Variants in SIRT7 observed in about 807,000 individuals in gnomAD.
The protein encoded by SIRT7 is sirtuin 7, also known as NAD-dependent protein deacetylase sirtuin-7.
A neutral mutation model predicts 42.8 loss-of-function variants in SIRT7; 32 were observed. The observed-to-expected ratio is 0.75, with a 90% CI of 0.56 to 1.00. SIRT7 has a LOEUF of 1.00. Among genes scored for constraint, SIRT7 ranks in the 50% least tolerant of loss-of-function variants. The pLI is 0.00. For missense variants in SIRT7, 553 were observed against 572.2 expected (o/e 0.97, Z 0.34); for synonymous variants, 297 against 245.2 (o/e 1.21, Z -1.97).
chr17:81,915,754 G>C (rs767563556), intron 3 of SIRT7, 73 bp from the exon 4 acceptor site: 434 of 1,516,330 alleles, frequency 2.9e-4, no homozygotes, highest in Non-Finnish European at 3.7e-4. Flanking sequence ...CCCAGAAACG[G>C]AAAGCCACTG....
At position 81,917,582 on chromosome 17, in the gene SIRT7, C is replaced by T. The variant is rs775713638; in HGVS notation, c.336+33G>A. 4 of 1,531,908 alleles carry T rather than the reference C, an allele frequency of 2.6e-6. No individual in the cohort carries two copies. In the East Asian group the frequency reaches 9.9e-5, roughly 38 times the overall value. 94.9% of individuals were successfully genotyped at this position (1,531,908 alleles called of 1,614,324 possible). A position where few individuals can be genotyped will look rare whatever the true frequency, so the allele number is the denominator to read the frequency against. On this transcript the variant is annotated intron_variant, in intron 3 of 9. Coordinates refer to ENST00000328666, the MANE Select transcript of SIRT7 (RefSeq NM_016538.3). ...TTCGCGATTACTGGAGCTCATACTC[C>T]GTCCTGGGGTACGCCTCCGCCTCCC...
In SIRT7 at chr17:81,912,826, T is replaced by G. The variant is rs945502839; in HGVS notation, c.1005-212A>C. On this transcript the variant is annotated intron_variant, in intron 9 of 9. Transcript: ENST00000328666. ...CACCTCTTAGGTGGTGACTCAAAGG[T>G]CGGCACCCACACTAGCTCGGTCTCC... The G allele has an allele frequency of 4.8e-6, 3 of 620,692 alleles. No individual in the cohort carries two copies. In the Middle Eastern group the frequency reaches 1.3e-3, roughly 268 times the overall value. The allele number at this position is 620,692 out of a possible 1,614,324, so 38.4% of individuals were successfully genotyped here. A position where few individuals can be genotyped will look rare whatever the true frequency, so the allele number is the denominator to read the frequency against.
rs183437321 is a variant in SIRT7 at position 81,914,195 on chromosome 17, A to G, written c.817-28T>C. On this transcript the variant is annotated intron_variant, in intron 7 of 9. Coordinates refer to ENST00000328666, the MANE Select transcript of SIRT7 (RefSeq NM_016538.3). ...GTGGAAGCAGACAGACAGACACCGC[A>G]CACACACAAGGGACAAGTCTGTACA... 179 of 1,613,472 alleles carry G rather than the reference A, an allele frequency of 1.1e-4. No individual in the cohort carries two copies. The African/African-American group carries it at 2.1e-3, about 19-fold the overall frequency.
intron 3 of SIRT7, 25 bp downstream of exon 3, chr17:81,917,590 G>C (rs550725704): frequency 1.3e-6 from 2 of 1,575,792 alleles, no homozygotes; most frequent in East Asian, 2.4e-5. Flanking sequence ...TCCGTCCTGG[G>C]GTACGCCTCC....
chr17:81,913,338 C>T lies in SIRT7; in HGVS notation c.1004+436G>A, dbSNP rs1435277413. On this transcript the variant is annotated intron_variant, in intron 9 of 9. Transcript: ENST00000328666. This position sits in a 1 kb window ranked among gnomAD's most constrained non-coding sequence, Gnocchi z 5.0. Reference sequence around the variant, plus strand: ...GAGAGTGTAAACTTTTTACTCAATACATACACCAAGTCTAAATTATCACAA... The same window carrying T: ...GAGAGTGTAAACTTTTTACTCAATATATACACCAAGTCTAAATTATCACAA... 4.4e-6 allele frequency: 2 copies of T among 452,606 alleles called. No homozygotes were observed. Among genetic ancestry groups the T allele is most frequent in the Admixed American group, 2.4e-5 (1 of 41,446 alleles). 28.0% of individuals were successfully genotyped at this position (452,606 alleles called of 1,614,324 possible).
At chr17:81,915,264 C>A in intron 5 of SIRT7, 176 bp downstream of exon 5, 2 of 663,056 alleles carry the variant, frequency 3.0e-6, no homozygotes, top group South Asian at 1.8e-5. Flanking sequence ...GGGAGCTCCC[C>A]TTCTGTCCTG....
At position 81,914,456 on chromosome 17, in the gene SIRT7, T is replaced by C; in HGVS notation, c.654A>G (p.Arg218=). Residue 218 remains arginine (R), a synonymous_variant, in exon 7 of 10, where the codon AGA becomes AGG. Transcript: ENST00000328666. ...TGTGGCAGGTCCGGCCTGTCTGGTG[T>C]CTGTGGAGGGCAGTGCGCTCCGTCA... ...FDVTERTALH[R]HQTGRTCHKC... 1 of 1,613,010 alleles carries C rather than the reference T, an allele frequency of 6.2e-7. No homozygotes were observed.
Position 81,917,864 on chromosome 17 carries a change from C to T in SIRT7, c.197G>A (p.Arg66Gln), listed in dbSNP as rs577056649. Residue 66 changes from arginine (R) to glutamine (Q), a missense_variant, in exon 2 of 10, where the codon CGG (arginine) becomes CAG (glutamine). Physicochemically the swap from Arg to Gln is conservative, Grantham distance 43. Coordinates refer to ENST00000328666, the MANE Select transcript of SIRT7 (RefSeq NM_016538.3). ...CCGCCGCTTCAGGCCCTCGCGCCGC[C>T]GGCTCCGGCCCTGCAGCTCCGTTAC... is the stretch of plus-strand genomic sequence containing the variant. ...DLVTELQGRS[R>Q]RREGLKRRQE... is the part of the protein sequence containing the mutation. The T allele has an allele frequency of 2.1e-6, 3 of 1,436,970 alleles. No homozygotes were observed. The highest frequency in any genetic ancestry group is 2.7e-6 in the Non-Finnish European group (3 of 1,098,850). The allele number at this position is 1,436,970 out of a possible 1,614,324, so 89.0% of individuals were successfully genotyped here.
rs1037478729 is a variant in SIRT7 at position 81,917,860 on chromosome 17, C to T, written c.201G>A (p.Arg67=). The change falls in exon 2 of 10, where the codon CGG becomes CGA. Residue 67 remains arginine, a synonymous_variant. Transcript: ENST00000328666. ...LVTELQGRSR[R]REGLKRRQEE... is the part of the protein sequence containing the mutation. ...CCTGCCGCCGCTTCAGGCCCTCGCG[C>T]CGCCGGCTCCGGCCCTGCAGCTCCG... 1.4e-6 allele frequency: 2 copies of T among 1,437,662 alleles called. No individual in the cohort carries two copies. Among genetic ancestry groups the T allele is most frequent in the Non-Finnish European group, 1.8e-6 (2 of 1,099,180 alleles). The allele number at this position is 1,437,662 out of a possible 1,614,324, so 89.1% of individuals were successfully genotyped here. A position where few individuals can be genotyped will look rare whatever the true frequency, so the allele number is the denominator to read the frequency against.
chr17:81,914,176 GCAGA>G lies in SIRT7; in HGVS notation c.817-13_817-10del, dbSNP rs372382788. The G allele has an allele frequency of 2.5e-3, 4,028 of 1,613,634 alleles. 29 individuals carry two copies. The highest frequency in any genetic ancestry group is 7.7e-3 in the South Asian group (705 of 91,084). On this transcript the variant is annotated splice_polypyrimidine_tract_variant and intron_variant, in intron 7 of 9. Coordinates refer to ENST00000328666, the MANE Select transcript of SIRT7 (RefSeq NM_016538.3). The stretch of plus-strand genomic sequence containing the variant: ...GGGTACTTCTTTAGAACCTGTGGAA[GCAGA>G]CAGACAGACACCGCACACACACAAG...
rs769022601 is a variant in SIRT7 at position 81,917,707 on chromosome 17, G to C, written c.244C>G (p.Pro82Ala). The C allele has an allele frequency of 1.4e-5, 23 of 1,599,666 alleles. 1 individual carries two copies. The South Asian group carries it at 2.6e-4, about 18-fold the overall frequency. The change falls in exon 3 of 10, where the codon CCG (proline) becomes GCG (alanine). Residue 82 changes from proline to alanine, a missense_variant. By Grantham distance (27) the Pro-to-Ala change is conservative (BLOSUM62 -1). Coordinates refer to ENST00000328666, the MANE Select transcript of SIRT7 (RefSeq NM_016538.3). The part of the protein sequence containing the change: ...KRRQEEVCDD[P>A]EELRGKVREL... ...CGGACCTTCCCCCGCAGCTCCTCCGGGTCGTCGCACACCTGCCAAGACGCC... is the reference window on the plus strand; with the variant it reads ...CGGACCTTCCCCCGCAGCTCCTCCGCGTCGTCGCACACCTGCCAAGACGCC...
At chr17:81,917,417 ATTCGTATCTCTACTCC>A (rs1441180104) in intron 3 of SIRT7, 182 bp downstream of exon 3, 2 of 480,690 alleles carry the variant, frequency 4.2e-6, no homozygotes, top group African/African-American at 4.0e-5. Flanking sequence ...ACTACACCCC[ATTCGTATCTCTACTCC>A]TTGTTTTTTT....
In SIRT7 at chr17:81,917,974, G is replaced by A. The variant is rs1455333975; in HGVS notation, c.94-7C>T. ...TCCTCAGGATGCGCGACACCTGCGG[G>A]CAGGCGGACGGTGAGCGGCGGCGCG... On this transcript the variant is annotated splice_region_variant and splice_polypyrimidine_tract_variant and intron_variant, in intron 1 of 9. Transcript: ENST00000328666. 3 of 1,337,916 alleles carry A rather than the reference G, an allele frequency of 2.2e-6. No homozygotes were observed. Among genetic ancestry groups the A allele is most frequent in the Non-Finnish European group, 1.9e-6 (2 of 1,052,960 alleles). 82.9% of individuals were successfully genotyped at this position (1,337,916 alleles called of 1,614,324 possible). A position where few individuals can be genotyped will look rare whatever the true frequency, so the allele number is the denominator to read the frequency against.
intron 5 of SIRT7, chr17:81,915,036 G>A: frequency 2.0e-6 from 1 of 491,462 alleles, no homozygotes; most frequent in Non-Finnish European, 3.7e-6. Context: ...GCTCTCTTGG[G>A]TCATGACATT....
Position 81,918,111 on chromosome 17 carries a change from G to A in SIRT7, c.21C>T (p.Ser7=), listed in dbSNP as rs759489989. Residue 7 remains serine (S), a synonymous_variant, in exon 1 of 10, where the codon AGC becomes AGT. Transcript: ENST00000328666. MAAGGL[S]RSERKAAERV... ...GCTCCGCCGCTTTGCGCTCGGAGCG[G>A]CTCAGACCCCCGGCTGCCATCGCTC... 4 of 1,554,216 alleles carry A rather than the reference G, an allele frequency of 2.6e-6. No individual in the cohort carries two copies. The highest frequency in any genetic ancestry group is 2.3e-4 in the Middle Eastern group (1 of 4,332).
chr17:81,918,163 G>A lies in SIRT7; in HGVS notation c.-32C>T, dbSNP rs756699953. On this transcript the variant is annotated 5_prime_UTR_variant, in exon 1 of 10. Coordinates refer to ENST00000328666, the MANE Select transcript of SIRT7 (RefSeq NM_016538.3). ...CCTGGAGACCTGCTCTTCCGCTTCC[G>A]CCTCACACGGCAGGCCGCGCTCAGG... 7.3e-6 allele frequency: 11 copies of A among 1,503,744 alleles called. No homozygotes were observed. The highest frequency in any genetic ancestry group is 2.1e-5 in the Admixed American group (1 of 48,008). 93.2% of individuals were successfully genotyped at this position (1,503,744 alleles called of 1,614,324 possible). A position where few individuals can be genotyped will look rare whatever the true frequency, so the allele number is the denominator to read the frequency against.
intron 3 of SIRT7, 114 bp from the exon 4 acceptor site, chr17:81,915,795 A>G: frequency 2.5e-6 from 3 of 1,185,838 alleles, no homozygotes; most frequent in South Asian, 1.3e-5. Flanking sequence ...GCTGGCCTGC[A>G]TGTTGGCCTC....
At position 81,913,429 on chromosome 17, in the gene SIRT7, A is replaced by G. The variant is rs2040732680; in HGVS notation, c.1004+345T>C. On this transcript the variant is annotated intron_variant, in intron 9 of 9. Coordinates refer to ENST00000328666, the MANE Select transcript of SIRT7 (RefSeq NM_016538.3). The surrounding 1 kb of genome is among the most constrained non-coding windows in gnomAD (Gnocchi z 5.0). ...TACGCCAACTCCCAAAACCAAGCAC[A>G]CAGATTCTGTCTGACCAGAGCTGCC... is the stretch of plus-strand genomic sequence containing the variant. 2.2e-6 allele frequency: 1 copy of G among 448,612 alleles called. No homozygotes were observed. The highest frequency in any genetic ancestry group is 4.3e-6 in the Non-Finnish European group (1 of 230,088). The allele number at this position is 448,612 out of a possible 1,614,324, so 27.8% of individuals were successfully genotyped here.
Position 81,912,304 on chromosome 17 carries a change from G to C in SIRT7, c.*112C>G. ...GACAAATGGCTAAAAATGTCACGGT[G>C]AAAATGTCATCCCCAAAGAGTTCGT... is the stretch of plus-strand genomic sequence containing the variant. On this transcript the variant is annotated 3_prime_UTR_variant, in exon 10 of 10. Transcript: ENST00000328666. The C allele has an allele frequency of 7.3e-7, 1 of 1,362,390 alleles. No individual in the cohort carries two copies. Among genetic ancestry groups the C allele is most frequent in the Non-Finnish European group, 1.0e-6 (1 of 958,094 alleles). 84.4% of individuals were successfully genotyped at this position (1,362,390 alleles called of 1,614,324 possible).
Sources: gnomAD v4.1 joint callset for allele counts on GRCh38, gnomAD v4.1.1 for gene constraint, Gnocchi (gnomAD v3.1) non-coding constraint, MANE v1.5 for transcripts, NCBI Gene and HGNC (gene_info 2026-07-23, HGNC 2026-07-21) for gene names.